PPARGC1A: variants seen among roughly 807,000 people sequenced by gnomAD.
PPARGC1A encodes PPARG coactivator 1 alpha.
PPARGC1A carries 25 observed loss-of-function variants against 88.7 expected under a neutral mutation model. The observed-to-expected ratio is 0.28, with a 90% confidence interval of 0.21 to 0.39. The LOEUF is 0.39. Among genes scored for constraint, PPARGC1A ranks in the 10% least tolerant of loss-of-function variants. The probability of loss-of-function intolerance (pLI) is 1.00; values close to 1 mark genes in which losing one functional copy is unlikely to be tolerated. For missense variants in PPARGC1A, 880 were observed against 968.7 expected, an observed-to-expected ratio of 0.91 and a Z score of 1.22; for synonymous variants, 363 against 355.6, an observed-to-expected ratio of 1.02 and a Z score of -0.24.
the PPARGC1A span, among the ~76,000 whole-genome samples, chr4:24,404,198 G>A: frequency 1.3e-5 from 2 of 152,082 alleles, no homozygotes; most frequent in Admixed American, 6.5e-5. Context: ...GGGAGGCAGA[G>A]GTTGCAGTGA....
At chr4:24,343,511 A>C in the PPARGC1A span, among the ~76,000 whole-genome samples, 3 of 152,040 alleles carry the variant, frequency 2.0e-5, no homozygotes, top group Admixed American at 2.0e-4. Context: ...TAAACATCGA[A>C]CCTGCCAGCA....
chr4:23,863,193 A>G (rs1731549690), intron 2 of PPARGC1A, among the ~76,000 whole-genome samples: 1 of 151,534 alleles, frequency 6.6e-6, no homozygotes, highest in East Asian at 1.9e-4. Context: ...TGTCACCATC[A>G]CCCCCTAATT....
chr4:24,078,529 G>A, the PPARGC1A span, among the ~76,000 whole-genome samples: 2 of 152,006 alleles, frequency 1.3e-5, no homozygotes, highest in African/African-American at 4.8e-5. Context: ...AAAGCAAACT[G>A]TTGTATGTCT....
chr4:24,284,325 CAAACAAA>C, the PPARGC1A span, among the ~76,000 whole-genome samples: 1 of 151,772 alleles, frequency 6.6e-6, no homozygotes, highest in Non-Finnish European at 1.5e-5. Context: ...AACAAACAAA[CAAACAAA>C]AAACAAAAAA....
the PPARGC1A span, among the ~76,000 whole-genome samples, chr4:24,127,540 C>T: frequency 1.2e-4 from 18 of 149,160 alleles, no homozygotes; most frequent in Middle Eastern, 3.5e-3. Flanking sequence ...TATATATATA[C>T]ACACACACAC....
chr4:24,301,611 CA>C, the PPARGC1A span, among the ~76,000 whole-genome samples: 1,920 of 79,386 alleles, frequency 0.024, 16 homozygotes, highest in Middle Eastern at 0.064. Context: ...CACCTATTGC[CA>C]AAAAAAAAAA....
the PPARGC1A span, among the ~76,000 whole-genome samples, chr4:24,143,526 T>TATATA: frequency 1.5e-4 from 23 of 152,216 alleles, no homozygotes; most frequent in Non-Finnish European, 2.6e-4. Context: ...AGCTTCTGAA[T>TATATA]TGGAAAAGTA....
the PPARGC1A span, among the ~76,000 whole-genome samples, chr4:24,213,367 T>C: frequency 1.3e-5 from 2 of 151,902 alleles, no homozygotes; most frequent in Non-Finnish European, 2.9e-5. Context: ...GGGGTTTCAC[T>C]GTGTTAGCCA....
the PPARGC1A span, among the ~76,000 whole-genome samples, chr4:24,238,739 TTGTATATGTGTGTGTGTG>T: frequency 3.1e-5 from 4 of 129,896 alleles, no homozygotes; most frequent in African/African-American, 1.2e-4. Flanking sequence ...CAATCCAAGG[TTGTATATGTGTGTGTGTG>T]TGTGTGTGTG....
At chr4:23,926,248 G>A in the PPARGC1A span, among the ~76,000 whole-genome samples, 8 of 152,060 alleles carry the variant, frequency 5.3e-5, no homozygotes, top group East Asian at 1.9e-4. Flanking sequence ...CCAACATCTT[G>A]CAGGACCAGA....
the PPARGC1A span, among the ~76,000 whole-genome samples, chr4:23,939,297 T>C: frequency 3.3e-5 from 5 of 152,272 alleles, no homozygotes; most frequent in African/African-American, 1.2e-4. Context: ...TGTTTTAAAA[T>C]ATGTTTGTTT....
chr4:23,969,487 T>TAGG, the PPARGC1A span, among the ~76,000 whole-genome samples: 1 of 152,220 alleles, frequency 6.6e-6, no homozygotes, highest in Non-Finnish European at 1.5e-5. Flanking sequence ...CAATTTCTTT[T>TAGG]ACGCTTTTTG....
chr4:24,383,070 G>A, the PPARGC1A span, among the ~76,000 whole-genome samples: 22 of 152,222 alleles, frequency 1.4e-4, no homozygotes, highest in Non-Finnish European at 1.2e-4. Context: ...CTCAGCTGGT[G>A]ATACCCACGC....
chr4:23,889,015 T>G (rs1237001589), intron 1 of PPARGC1A: 6 of 985,274 alleles, frequency 6.1e-6, no homozygotes, highest in Non-Finnish European at 7.2e-6. Context: ...TTGTGCTGAA[T>G]GCAAACACGC....
At chr4:24,276,779 C>G in the PPARGC1A span, among the ~76,000 whole-genome samples, 2 of 152,058 alleles carry the variant, frequency 1.3e-5, no homozygotes, top group Non-Finnish European at 2.9e-5. Flanking sequence ...ATACTGAAGC[C>G]CTGCAGAAAT....
At chr4:23,835,507 T>TGTG (rs1577447432) in intron 2 of PPARGC1A, among the ~76,000 whole-genome samples, 1 of 143,470 alleles carries the variant, frequency 7.0e-6, no homozygotes, top group Non-Finnish European at 1.5e-5. Context: ...TGTGTGTGTG[T>TGTG]TGGAGTATGT....
chr4:24,450,225 G>GTC, the PPARGC1A span, among the ~76,000 whole-genome samples: 4 of 152,028 alleles, frequency 2.6e-5, no homozygotes, highest in Non-Finnish European at 5.9e-5. Flanking sequence ...TGCCACACCT[G>GTC]TCTCTCTCTC....
chr4:24,068,387 CT>C, the PPARGC1A span, among the ~76,000 whole-genome samples: 2 of 152,126 alleles, frequency 1.3e-5, no homozygotes, highest in African/African-American at 2.4e-5. Context: ...CATGGGCTCA[CT>C]TTTTGCCAAT....
In PPARGC1A at chr4:23,879,483, G is replaced by A. The variant is rs538623803; in HGVS notation, c.234+5269C>T. 8.5e-5 allele frequency among the ~76,000 whole-genome samples: 13 copies of A among 152,310 alleles called. No homozygotes were observed. The South Asian group carries it at 1.2e-3, about 15-fold the overall frequency. ...GGTGAGCAGAAACTTAACCAGGAAC[G>A]ATATCCACGAGGTTCTGCTTCTCTT... On this transcript the variant is annotated intron_variant, in intron 2 of 12. Coordinates refer to ENST00000264867, the MANE Select transcript of PPARGC1A (RefSeq NM_013261.5).
Sources: allele counts gnomAD v4.1 joint callset (sites outside exome capture counted in the v4.1 genomes callset), GRCh38; gene constraint gnomAD v4.1.1; transcripts MANE v1.5; gene names NCBI Gene and HGNC (gene_info 2026-07-23, HGNC 2026-07-21).